Variants in POMT1 observed in about 807,000 individuals in gnomAD.
POMT1 encodes protein O-mannosyl-transferase 1.
POMT1 carries 85 observed loss-of-function variants against 101.6 expected under a neutral mutation model. That is an observed-to-expected ratio of 0.84 (90% confidence interval 0.70 to 1.00). The LOEUF (loss-of-function observed/expected upper bound fraction) is 1.00. Among genes scored for constraint, POMT1 ranks in the 50% least tolerant of loss-of-function variants. The pLI is 0.00. For synonymous variants in POMT1, 371 were observed against 383.0 expected (o/e 0.97, Z 0.37); for missense variants, 857 against 930.4 (o/e 0.92, Z 1.03).
At chr9:131,511,279 G>A in intron 9 of POMT1, 58 bp from the exon 10 acceptor site, 1 of 1,556,124 alleles carries the variant, frequency 6.4e-7, no homozygotes, top group South Asian at 1.2e-5. Context: ...CGGGAAGGCT[G>A]GCTTAGGGTC....
At position 131,519,582 on chromosome 9, in the gene POMT1, G is replaced by A; in HGVS notation, c.1584+96G>A. On this transcript the variant is annotated intron_variant, in intron 16 of 19. Coordinates refer to ENST00000402686, the MANE Select transcript of POMT1 (RefSeq NM_001077365.2). The surrounding 1 kb of genome is among the most constrained non-coding windows in gnomAD (Gnocchi z 4.3). Reference sequence around the variant, plus strand: ...TGCACAGGACTCAAACCAGAGTCAGGCTTTGACGCTGGAGCTACAGGCTCA... The same window carrying A: ...TGCACAGGACTCAAACCAGAGTCAGACTTTGACGCTGGAGCTACAGGCTCA... 8.4e-7 allele frequency: 1 copy of A among 1,185,744 alleles called. No homozygotes were observed. Among genetic ancestry groups the A allele is most frequent in the South Asian group, 1.3e-5 (1 of 76,534 alleles). 73.5% of individuals were successfully genotyped at this position (1,185,744 alleles called of 1,614,324 possible).
In POMT1 at chr9:131,515,454, C is replaced by CA; in HGVS notation, c.1205dup (p.His402GlnfsTer10). ...TGATGTTGCAGCCCCCCTGAGCCCC[C>CA]ATTCACAGGAGGTCTCCTGCTACAT... On this transcript the variant is annotated frameshift_variant, in exon 13 of 20. Coordinates refer to ENST00000402686, the MANE Select transcript of POMT1 (RefSeq NM_001077365.2). LOFTEE classifies it high-confidence loss of function. 1 of 1,614,228 alleles carries CA rather than the reference C, an allele frequency of 6.2e-7. No individual in the cohort carries two copies. Among genetic ancestry groups the CA allele is most frequent in the Non-Finnish European group, 8.5e-7 (1 of 1,180,034 alleles).
At chr9:131,509,647 C>T in intron 6 of POMT1, 96 bp from the exon 7 acceptor site, 1 of 1,610,112 alleles carries the variant, frequency 6.2e-7, no homozygotes, top group Non-Finnish European at 8.5e-7. Flanking sequence ...GGCCAGCCGA[C>T]CCAGAAAGAT....
chr9:131,510,117 C>A (rs1246436977), intron 8 of POMT1, 121 bp downstream of exon 8: 46 of 1,612,532 alleles, frequency 2.9e-5, no homozygotes, highest in Non-Finnish European at 3.7e-5. Context: ...CAGGCCTGGG[C>A]AGCCTCGCCT....
Position 131,520,193 on chromosome 9 carries a change from C to A in POMT1, c.1698C>A (p.Ser566Arg). ...CCTACTGGCTGCACCCCAGGACCAG[C>A]GTAAGCGAGCGATGCTGACAGCTGA... ...NIAYWLHPRT[S>R]AQIHLLGNIV... is the part of the protein sequence containing the mutation. Residue 566 changes from serine to arginine, a missense_variant and splice_region_variant, in exon 17 of 20, where the codon AGC (serine) becomes AGA (arginine). Coordinates refer to ENST00000402686, the MANE Select transcript of POMT1 (RefSeq NM_001077365.2). 6.2e-7 allele frequency: 1 copy of A among 1,609,452 alleles called. No homozygotes were observed. Among genetic ancestry groups the A allele is most frequent in the Non-Finnish European group, 8.5e-7 (1 of 1,176,382 alleles).
chr9:131,516,150 C>G (rs1948491833), intron 13 of POMT1, among the ~76,000 whole-genome samples: 1 of 22,664 alleles, frequency 4.4e-5, no homozygotes, highest in African/African-American at 8.0e-5. Flanking sequence ...TCCTCTAACA[C>G]AGGACACTCT....
intron 13 of POMT1, chr9:131,517,090 A>G (rs1948844195): frequency 6.6e-6 from 1 of 152,378 alleles, no homozygotes; most frequent in Non-Finnish European, 1.5e-5. Context: ...GCTTATTTCC[A>G]TAGTGAGGTC....
chr9:131,511,290 A>G lies in POMT1; in HGVS notation c.856-47A>G, dbSNP rs1947060463. The G allele has an allele frequency of 2.5e-6, 4 of 1,575,814 alleles. No homozygotes were observed. The South Asian group carries it at 3.4e-5, about 13-fold the overall frequency. On this transcript the variant is annotated intron_variant, in intron 9 of 19. Transcript: ENST00000402686. ...CCATCGGGAAGGCTGGCTTAGGGTC[A>G]TTTTTCTTTCTGTCTCTCACTCATC...
Position 131,512,224 on chromosome 9 carries a change from T to C in POMT1, c.1082+88T>C, listed in dbSNP as rs559333461. Reference sequence around the variant, plus strand: ...TGGGATGCAGTCCTGGGCCCCCTTCTTTCCCTCCCTCACTGACTCTAGTCA... The same window carrying C: ...TGGGATGCAGTCCTGGGCCCCCTTCCTTCCCTCCCTCACTGACTCTAGTCA... On this transcript the variant is annotated intron_variant, in intron 11 of 19. Coordinates refer to ENST00000402686, the MANE Select transcript of POMT1 (RefSeq NM_001077365.2). 5.0e-5 allele frequency: 78 copies of C among 1,555,248 alleles called. No individual in the cohort carries two copies. In the African/African-American group the frequency reaches 9.5e-4, roughly 19 times the overall value.
In POMT1 at chr9:131,522,790, G is replaced by A. The variant is rs1325796057; in HGVS notation, c.2004-142G>A. 1.1e-5 allele frequency: 10 copies of A among 906,850 alleles called. No homozygotes were observed. Among genetic ancestry groups the A allele is most frequent in the Admixed American group, 2.0e-5 (1 of 49,404 alleles). 56.2% of individuals were successfully genotyped at this position (906,850 alleles called of 1,614,324 possible). On this transcript the variant is annotated intron_variant, in intron 19 of 19. Coordinates refer to ENST00000402686, the MANE Select transcript of POMT1 (RefSeq NM_001077365.2). The surrounding 1 kb of genome is among the most constrained non-coding windows in gnomAD (Gnocchi z 5.5). ...TCCAGGTGGGAGATGGTCATGGGTG[G>A]CAGGAGACAAGACACAGAAACCTGA...
At chr9:131,507,589 G>C (rs1946137959) in intron 5 of POMT1, 75 bp downstream of exon 5, 1 of 1,594,024 alleles carries the variant, frequency 6.3e-7, no homozygotes, top group Non-Finnish European at 8.6e-7. Flanking sequence ...AGATCACATG[G>C]GCTTGGTGGG....
chr9:131,522,211 G>C lies in POMT1; in HGVS notation c.1990G>C (p.Asp664His). 1 of 1,613,706 alleles carries C rather than the reference G, an allele frequency of 6.2e-7. No individual in the cohort carries two copies. The highest frequency in any genetic ancestry group is 8.5e-7 in the Non-Finnish European group (1 of 1,180,024). The change falls in exon 19 of 20, where the codon GAC becomes CAC. Residue 664 changes from aspartate (D) to histidine (H), a missense_variant. Coordinates refer to ENST00000402686, the MANE Select transcript of POMT1 (RefSeq NM_001077365.2). The surrounding 1 kb of genome is among the most constrained non-coding windows in gnomAD (Gnocchi z 5.5). ...CCCTGTGGTCCTGCAGCACATCAGC[G>C]ACCACCTGTGCAGGTACGGGGGCTG... ...LLPVVLQHIS[D>H]HLCRSQLQRS...
chr9:131,515,629 CAG>C (rs1948154436), intron 13 of POMT1, 107 bp downstream of exon 13: 2 of 1,004,038 alleles, frequency 2.0e-6, no homozygotes, highest in Non-Finnish European at 3.1e-6. Context: ...CACTTCCTAA[CAG>C]AACACTTCAT....
intron 13 of POMT1, among the ~76,000 whole-genome samples, chr9:131,516,164 ACT>A (rs1405329640): frequency 3.8e-5 from 1 of 26,632 alleles, no homozygotes; most frequent in Non-Finnish European, 9.8e-5. Context: ...ACACTCTCAC[ACT>A]CACACGGAGC....
intron 2 of POMT1, among the ~76,000 whole-genome samples, chr9:131,505,564 G>A (rs1010551569): frequency 2.6e-5 from 4 of 152,000 alleles, no homozygotes; most frequent in Non-Finnish European, 5.9e-5. Context: ...CCTGGCTGAG[G>A]ATTCTTAAAA....
In POMT1 at chr9:131,506,454, G is replaced by T. The variant is rs746823238; in HGVS notation, c.280+1G>T. The T allele has an allele frequency of 2.5e-6, 4 of 1,609,484 alleles. No homozygotes were observed. The highest frequency in any genetic ancestry group is 3.4e-6 in the Non-Finnish European group (4 of 1,175,810). ...TTTTTGTGGAACAGAATTGGAGCAG[G>T]TAAAAGATAATTTTCATTTCCCTTT... is the stretch of plus-strand genomic sequence containing the variant. On this transcript the variant is annotated splice_donor_variant, in intron 4 of 19. Coordinates refer to ENST00000402686, the MANE Select transcript of POMT1 (RefSeq NM_001077365.2). LOFTEE classifies it high-confidence loss of function.
rs912474615 is a variant in POMT1, at chr9:131,503,708, A to G, written c.-30-481A>G. ...CACCCGGGGATGATGTGCCGCTGGG[A>G]TAGAAGGCAGGGAGGCACTGGGGGC... On this transcript the variant is annotated intron_variant, in intron 1 of 19. Transcript: ENST00000402686. This position sits in a 1 kb window ranked among gnomAD's most constrained non-coding sequence, Gnocchi z 4.4. Among the ~76,000 whole-genome samples, 27 of 152,126 alleles carry G rather than the reference A, an allele frequency of 1.8e-4. No individual in the cohort carries two copies. The highest frequency in any genetic ancestry group is 6.5e-4 in the African/African-American group (27 of 41,430).
Position 131,510,431 on chromosome 9 carries a change from G to T in POMT1, c.855+16G>T. The T allele has an allele frequency of 6.2e-7, 1 of 1,611,926 alleles. No individual in the cohort carries two copies. Among genetic ancestry groups the T allele is most frequent in the Non-Finnish European group, 8.5e-7 (1 of 1,178,050 alleles). On this transcript the variant is annotated intron_variant, in intron 9 of 19. Coordinates refer to ENST00000402686, the MANE Select transcript of POMT1 (RefSeq NM_001077365.2). ...CAGCTTAGAGGTAAGTAAGCAGTGGGCATCGTGGCCACTGGAGAAGGAAGA... is the reference window on the plus strand; with the variant it reads ...CAGCTTAGAGGTAAGTAAGCAGTGGTCATCGTGGCCACTGGAGAAGGAAGA...
intron 9 of POMT1, 117 bp downstream of exon 9, chr9:131,510,532 C>T (rs111484281): frequency 8.9e-6 from 12 of 1,346,140 alleles, no homozygotes; most frequent in Admixed American, 1.9e-5. Flanking sequence ...GAAGAATCCA[C>T]ATCCATATTT....
Sources: allele counts gnomAD v4.1 joint callset (sites outside exome capture counted in the v4.1 genomes callset), GRCh38; gene constraint gnomAD v4.1.1; non-coding constraint Gnocchi (gnomAD v3.1); transcripts MANE v1.5; gene names NCBI Gene and HGNC (gene_info 2026-07-23, HGNC 2026-07-21).